The following USP15 variants were observed in gnomAD, a reference collection of about 807,000 sequenced individuals.
The protein encoded by USP15 is ubiquitin specific peptidase 15.
USP15 carries 18 observed loss-of-function variants against 127.1 expected under a neutral mutation model. The ratio of observed to expected loss-of-function variants is 0.14; its 90% CI spans 0.10 to 0.21. The LOEUF (loss-of-function observed/expected upper bound fraction) is 0.21, where lower values mean the gene tolerates loss of function less well. Ranked by LOEUF, USP15 falls within the 10% of genes least tolerant of loss-of-function variation. The probability of loss-of-function intolerance (pLI) is 1.00; values close to 1 mark genes in which losing one functional copy is unlikely to be tolerated. For missense variants in USP15, 805 were observed against 1,159.9 expected (o/e 0.69, Z 4.44); for synonymous variants, 364 against 393.7 (o/e 0.92, Z 0.89).
chr12:62,307,295 G>A (rs1050169953), intron 3 of USP15, among the ~76,000 whole-genome samples: 5 of 152,200 alleles, frequency 3.3e-5, no homozygotes, highest in Non-Finnish European at 5.9e-5. Context: ...ATGACTCAGA[G>A]AACAGAACCA....
At chr12:62,326,924 G>GT (rs2065144304) in intron 6 of USP15, among the ~76,000 whole-genome samples, 2 of 152,134 alleles carry the variant, frequency 1.3e-5, no homozygotes, top group Non-Finnish European at 2.9e-5. Context: ...GAGGTCAGGA[G>GT]TTTAAGACCA....
intron 1 of USP15, among the ~76,000 whole-genome samples, chr12:62,282,307 G>T (rs569533456): frequency 6.6e-6 from 1 of 152,088 alleles, no homozygotes; most frequent in African/African-American, 2.4e-5. Flanking sequence ...TCCAGCCTGG[G>T]TGACAGAGCA....
chr12:62,326,060 G>T, intron 6 of USP15, 127 bp downstream of exon 6: 1 of 758,542 alleles, frequency 1.3e-6, no homozygotes, highest in Non-Finnish European at 2.0e-6. Flanking sequence ...TTATATTTGA[G>T]TATTTTGTTC....
chr12:62,310,422 C>T (rs2064632792), intron 3 of USP15, among the ~76,000 whole-genome samples: 1 of 151,792 alleles, frequency 6.6e-6, no homozygotes, highest in African/African-American at 2.4e-5. Flanking sequence ...TCTATCTTTC[C>T]ACTCTTTACT....
intron 1 of USP15, among the ~76,000 whole-genome samples, chr12:62,284,623 T>C (rs1237276758): frequency 1.3e-5 from 2 of 152,154 alleles, no homozygotes; most frequent in African/African-American, 4.8e-5. Flanking sequence ...TCTAAAAAGC[T>C]TTGTTACCTG....
chr12:62,392,514 A>G, intron 18 of USP15, 127 bp downstream of exon 18: 3 of 673,250 alleles, frequency 4.5e-6, no homozygotes. Context: ...AGGATTCTTT[A>G]TATAAGTTGT....
intron 6 of USP15, among the ~76,000 whole-genome samples, chr12:62,344,014 G>A (rs1413985473): frequency 6.6e-6 from 1 of 152,036 alleles, no homozygotes; most frequent in Non-Finnish European, 1.5e-5. Context: ...TTTGGGTGGG[G>A]ACACAGAGCC....
At position 62,391,160 on chromosome 12, in the gene USP15, A is replaced by C; in HGVS notation, c.1964A>C (p.Glu655Ala). ...GCTCTCTAATATCTAAAATTAGGTGAAATGGAAACAGATGAGCCAGATGAT... is the reference window on the plus strand; with the variant it reads ...GCTCTCTAATATCTAAAATTAGGTGCAATGGAAACAGATGAGCCAGATGAT... ...NGIHEEGSPS[E>A]METDEPDDES... is the part of the protein sequence containing the mutation. Residue 655 changes from glutamate to alanine, a missense_variant, in exon 16 of 22, where the codon GAA becomes GCA. Glu to Ala is a moderately radical substitution (Grantham distance 107). Coordinates refer to ENST00000280377, the MANE Select transcript of USP15 (RefSeq NM_001252078.2). 6.2e-7 allele frequency: 1 copy of C among 1,606,394 alleles called. No individual in the cohort carries two copies. Among genetic ancestry groups the C allele is most frequent in the Non-Finnish European group, 8.5e-7 (1 of 1,178,254 alleles).
At chr12:62,300,188 C>T (rs1048400330) in intron 2 of USP15, among the ~76,000 whole-genome samples, 2 of 151,802 alleles carry the variant, frequency 1.3e-5, no homozygotes, top group Non-Finnish European at 2.9e-5. Flanking sequence ...GTTGCTTGTG[C>T]TTTTGGTGTC....
chr12:62,410,137 A>G lies in USP15; in HGVS notation c.*5762A>G, dbSNP rs754975492. 2 of 152,112 alleles carry G rather than the reference A, an allele frequency of 1.3e-5. No individual in the cohort carries two copies. The highest frequency in any genetic ancestry group is 2.9e-5 in the Non-Finnish European group (2 of 67,998). The allele number at this position is 152,112 out of a possible 1,614,324, so 9.4% of individuals were successfully genotyped here. A position where few individuals can be genotyped will look rare whatever the true frequency, so the allele number is the denominator to read the frequency against. ...TTCAAGTGAGAACCATCTTTCCATT[A>G]TATCAAGTGGGCAATATTTAAATTG... On this transcript the variant is annotated 3_prime_UTR_variant, in exon 22 of 22. Coordinates refer to ENST00000280377, the MANE Select transcript of USP15 (RefSeq NM_001252078.2).
chr12:62,374,362 A>C, intron 8 of USP15: 1 of 985,412 alleles, frequency 1.0e-6, no homozygotes, highest in South Asian at 4.7e-5. Flanking sequence ...GTAATCAAAA[A>C]TTAAGTTTGT....
chr12:62,335,955 T>C (rs913834924), intron 6 of USP15: 1 of 985,328 alleles, frequency 1.0e-6, no homozygotes, highest in African/African-American at 1.7e-5. Flanking sequence ...TCGGTTCCTC[T>C]TTAGGGTTGC....
At chr12:62,353,465 T>C (rs1353131163) in intron 7 of USP15, among the ~76,000 whole-genome samples, 1 of 151,982 alleles carries the variant, frequency 6.6e-6, no homozygotes, top group Non-Finnish European at 1.5e-5. Context: ...CTTTTAGTCT[T>C]TTCACGTGTG....
chr12:62,378,122 G>A (rs927416447), intron 8 of USP15, among the ~76,000 whole-genome samples: 6 of 152,020 alleles, frequency 3.9e-5, no homozygotes, highest in Non-Finnish European at 5.9e-5. Flanking sequence ...CAGGAGAATC[G>A]CTTGAACTCG....
intron 8 of USP15, among the ~76,000 whole-genome samples, chr12:62,366,777 CGAAG>C (rs879826820): frequency 1.8e-4 from 28 of 152,190 alleles, no homozygotes; most frequent in Middle Eastern, 3.4e-3. Context: ...TGAATTTTGT[CGAAG>C]GCCTTTTCTG....
chr12:62,285,793 T>C (rs1261697119), intron 1 of USP15, among the ~76,000 whole-genome samples: 1 of 152,212 alleles, frequency 6.6e-6, no homozygotes, highest in East Asian at 1.9e-4. Flanking sequence ...TTCCTTTGGG[T>C]ATATACCTAG....
intron 8 of USP15, among the ~76,000 whole-genome samples, chr12:62,356,548 G>A (rs2066137292): frequency 6.6e-6 from 1 of 151,886 alleles, no homozygotes; most frequent in Non-Finnish European, 1.5e-5. Flanking sequence ...ATTGAATAGG[G>A]AAGGCATAAT....
At chr12:62,320,292 G>T (rs1447640419) in intron 4 of USP15, among the ~76,000 whole-genome samples, 1 of 152,042 alleles carries the variant, frequency 6.6e-6, no homozygotes, top group Non-Finnish European at 1.5e-5. Context: ...TTTGTGTGTA[G>T]CACTTCCCCC....
chr12:62,306,722 C>T (rs1025101960), intron 3 of USP15, among the ~76,000 whole-genome samples: 1 of 152,062 alleles, frequency 6.6e-6, no homozygotes, highest in African/African-American at 2.4e-5. Flanking sequence ...GATTCCTAGT[C>T]CCTCCAGATG....
Sources: allele counts gnomAD v4.1 joint callset (sites outside exome capture counted in the v4.1 genomes callset), GRCh38; gene constraint gnomAD v4.1.1; transcripts MANE v1.5; gene names NCBI Gene and HGNC (gene_info 2026-07-23, HGNC 2026-07-21).